Variants in EDIL3 observed in about 807,000 individuals in gnomAD.
EDIL3 encodes EGF-like repeat and discoidin I-like domain-containing protein 3.
A neutral mutation model predicts 67.4 loss-of-function variants in EDIL3; 37 were observed. That is an observed-to-expected ratio of 0.55 (90% CI 0.42 to 0.72). The LOEUF (loss-of-function observed/expected upper bound fraction) is 0.72. Among genes scored for constraint, EDIL3 ranks in the 30% least tolerant of loss-of-function variants. The pLI is 0.00. For missense variants in EDIL3, 527 were observed against 586.3 expected (o/e 0.90, Z 1.04); for synonymous variants, 195 against 196.3 (o/e 0.99, Z 0.05).
At chr5:84,329,119 ATTG>A (rs1746822467) in intron 1 of EDIL3, among the ~76,000 whole-genome samples, 1 of 152,128 alleles carries the variant, frequency 6.6e-6, no homozygotes, top group South Asian at 2.1e-4. Context: ...AGAACAAAAA[ATTG>A]TTATTTTTTT....
intron 3 of EDIL3, among the ~76,000 whole-genome samples, chr5:84,209,298 C>T (rs949326865): frequency 1.3e-5 from 2 of 152,026 alleles, no homozygotes; most frequent in East Asian, 1.9e-4. Context: ...ATGGGTGCAG[C>T]ACACCAGCAT....
intron 6 of EDIL3, among the ~76,000 whole-genome samples, chr5:84,089,384 T>A (rs894414192): frequency 7.9e-5 from 12 of 152,342 alleles, no homozygotes; most frequent in Admixed American, 6.5e-4. Context: ...TAATGATGCA[T>A]CCTCAAGCTC....
chr5:84,353,774 T>C (rs1266474654), intron 1 of EDIL3, among the ~76,000 whole-genome samples: 2 of 152,230 alleles, frequency 1.3e-5, no homozygotes, highest in Non-Finnish European at 2.9e-5. Flanking sequence ...TTCCAAGGAC[T>C]GCTCTTAATT....
intron 3 of EDIL3, among the ~76,000 whole-genome samples, chr5:84,187,427 G>C (rs1335258218): frequency 6.6e-6 from 1 of 152,008 alleles, no homozygotes; most frequent in Non-Finnish European, 1.5e-5. Context: ...AAGTGAATAG[G>C]TTAACATTCT....
chr5:84,208,342 A>T (rs1744031129), intron 3 of EDIL3, among the ~76,000 whole-genome samples: 1 of 152,170 alleles, frequency 6.6e-6, no homozygotes, highest in African/African-American at 2.4e-5. Flanking sequence ...TCAAAACCAC[A>T]ATGAGATACC....
chr5:84,233,548 A>G (rs1464111437), intron 2 of EDIL3, among the ~76,000 whole-genome samples: 3 of 152,184 alleles, frequency 2.0e-5, no homozygotes, highest in Admixed American at 1.3e-4. Flanking sequence ...TTGGGTATCT[A>G]TATCAATGCT....
chr5:84,165,546 A>G (rs1399649587), intron 4 of EDIL3, among the ~76,000 whole-genome samples: 1 of 152,166 alleles, frequency 6.6e-6, no homozygotes. Context: ...AGAATGTAGC[A>G]TTAAGGCATA....
chr5:84,308,365 C>T (rs1314756157), intron 1 of EDIL3, among the ~76,000 whole-genome samples: 1 of 152,110 alleles, frequency 6.6e-6, no homozygotes, highest in South Asian at 2.1e-4. Flanking sequence ...AAGAGAGAAG[C>T]AGTGATTGTT....
At chr5:84,345,057 A>T (rs1747209960) in intron 1 of EDIL3, among the ~76,000 whole-genome samples, 1 of 152,150 alleles carries the variant, frequency 6.6e-6, no homozygotes, top group East Asian at 1.9e-4. Context: ...TTATTCTCTC[A>T]TCTTTTCCCA....
At chr5:84,019,589 CCAAA>C (rs1475067271) in intron 9 of EDIL3, among the ~76,000 whole-genome samples, 2 of 151,702 alleles carry the variant, frequency 1.3e-5, no homozygotes, top group South Asian at 2.1e-4. Flanking sequence ...GAAACCCAAA[CCAAA>C]CAAAGAAAAC....
At chr5:84,027,642 G>A (rs1745840040) in intron 9 of EDIL3, among the ~76,000 whole-genome samples, 1 of 117,616 alleles carries the variant, frequency 8.5e-6, no homozygotes, top group Non-Finnish European at 1.8e-5. Flanking sequence ...ACACTTTGAA[G>A]GGGAATCTGA....
chr5:84,301,432 A>G (rs1246594204), intron 1 of EDIL3, among the ~76,000 whole-genome samples: 1 of 152,212 alleles, frequency 6.6e-6, no homozygotes, highest in African/African-American at 2.4e-5. Flanking sequence ...GTCAATCTCA[A>G]AATAATCCTG....
intron 2 of EDIL3, among the ~76,000 whole-genome samples, chr5:84,251,195 C>T (rs1387153056): frequency 1.3e-5 from 2 of 152,184 alleles, no homozygotes; most frequent in East Asian, 3.8e-4. Context: ...TCATTGCAAC[C>T]TCTGCCTCCT....
chr5:84,058,856 T>C (rs1272641672), intron 9 of EDIL3, among the ~76,000 whole-genome samples: 2 of 152,126 alleles, frequency 1.3e-5, no homozygotes, highest in Non-Finnish European at 2.9e-5. Flanking sequence ...AAATAAATAA[T>C]TTAATTTAGT....
At chr5:84,316,110 G>A (rs1273150313) in intron 1 of EDIL3, among the ~76,000 whole-genome samples, 1 of 152,166 alleles carries the variant, frequency 6.6e-6, no homozygotes, top group African/African-American at 2.4e-5. Context: ...CCTGAAGGAA[G>A]CACTAAACAT....
chr5:84,001,681 G>T (rs1469889793), intron 9 of EDIL3, among the ~76,000 whole-genome samples: 2 of 152,026 alleles, frequency 1.3e-5, no homozygotes, highest in Non-Finnish European at 1.5e-5. Context: ...CAGCAAATTG[G>T]AAAACCTAGA....
intron 1 of EDIL3, among the ~76,000 whole-genome samples, chr5:84,292,583 T>C (rs1217986676): frequency 6.6e-6 from 1 of 152,204 alleles, no homozygotes; most frequent in Non-Finnish European, 1.5e-5. Flanking sequence ...TGTTAATGTT[T>C]GAAAATAAAA....
intron 3 of EDIL3, among the ~76,000 whole-genome samples, chr5:84,212,195 A>C (rs982761332): frequency 6.6e-6 from 1 of 151,912 alleles, no homozygotes; most frequent in African/African-American, 2.4e-5. Context: ...AAATGAACTA[A>C]GGAAAGGATC....
chr5:84,037,178 A>C (rs2112209236), intron 9 of EDIL3, among the ~76,000 whole-genome samples: 1 of 152,294 alleles, frequency 6.6e-6, no homozygotes, highest in East Asian at 1.9e-4. Context: ...GAAGTGACCC[A>C]CACTCACTCA....
Sources: allele counts gnomAD v4.1 joint callset (sites outside exome capture counted in the v4.1 genomes callset), GRCh38; gene constraint gnomAD v4.1.1; transcripts MANE v1.5; gene names NCBI Gene and HGNC (gene_info 2026-07-23, HGNC 2026-07-21).